Variants in ASIC2 observed in about 807,000 individuals in gnomAD.
The protein encoded by ASIC2 is acid sensing ion channel subunit 2.
Under a neutral mutation model 57.3 loss-of-function variants are expected in ASIC2, and 25 were observed. The ratio of observed to expected loss-of-function variants is 0.44; its 90% CI spans 0.32 to 0.61. ASIC2 has a LOEUF of 0.61. Among genes scored for constraint, ASIC2 ranks in the 20% least tolerant of loss-of-function variants. The pLI is 0.06. For synonymous variants in ASIC2, 319 were observed against 307.5 expected, an observed-to-expected ratio of 1.04 and a Z score of -0.39; for missense variants, 641 against 738.1, an observed-to-expected ratio of 0.87 and a Z score of 1.52.
intron 1 of ASIC2, among the ~76,000 whole-genome samples, chr17:33,672,843 G>A (rs1224176118): frequency 6.6e-6 from 1 of 152,174 alleles, no homozygotes; most frequent in East Asian, 1.9e-4. Flanking sequence ...ACATACGGCA[G>A]AGCCTCTGTG....
rs75179101 is a variant in ASIC2 at position 34,121,723 on chromosome 17, T to C, written c.555+34255A>G. On this transcript the variant is annotated intron_variant, in intron 1 of 9. Transcript: ENST00000359872. The stretch of plus-strand genomic sequence containing the variant: ...ATGATGAAGGCTGTAACCATCACCC[T>C]AGATCACCTCCTGCCCCTACATTCC... Among the ~76,000 whole-genome samples, 221 of 152,288 alleles carry C rather than the reference T, an allele frequency of 1.5e-3. 4 individuals are homozygous for C. In the East Asian group the frequency reaches 0.042, roughly 29 times the overall value.
At chr17:33,551,650 C>A (rs564184388) in intron 1 of ASIC2, among the ~76,000 whole-genome samples, 43 of 152,254 alleles carry the variant, frequency 2.8e-4, no homozygotes, top group Non-Finnish European at 4.3e-4. Context: ...TCCCCTAGGA[C>A]CCCCAGCTCT....
At chr17:33,659,895 TAAATAA>T (rs1907199791) in intron 1 of ASIC2, among the ~76,000 whole-genome samples, 1 of 144,370 alleles carries the variant, frequency 6.9e-6, no homozygotes, top group African/African-American at 2.6e-5. Flanking sequence ...AATAAATAAA[TAAATAA>T]ATAAATAAAT....
intron 1 of ASIC2, among the ~76,000 whole-genome samples, chr17:33,237,570 G>T (rs1486324315): frequency 6.6e-6 from 1 of 152,066 alleles, no homozygotes; most frequent in African/African-American, 2.4e-5. Flanking sequence ...GGCTGGTCTC[G>T]AACTCCCGAC....
intron 1 of ASIC2, among the ~76,000 whole-genome samples, chr17:33,284,234 A>T (rs908380204): frequency 1.3e-5 from 2 of 152,194 alleles, no homozygotes; most frequent in African/African-American, 4.8e-5. Flanking sequence ...TCATGTTCCA[A>T]TTATGAGTGA....
chr17:33,177,704 G>A (rs1304016219), intron 1 of ASIC2, among the ~76,000 whole-genome samples: 2 of 152,176 alleles, frequency 1.3e-5, no homozygotes, highest in African/African-American at 4.8e-5. Context: ...AGTCTTAGGG[G>A]GTGGAGGCTG....
chr17:33,881,933 C>T (rs1914710276), intron 1 of ASIC2, among the ~76,000 whole-genome samples: 1 of 152,146 alleles, frequency 6.6e-6, no homozygotes, highest in Admixed American at 6.5e-5. Flanking sequence ...TGGAACAGAA[C>T]AGAGCCCTCA....
At chr17:34,076,950 C>A (rs1027914420) in intron 1 of ASIC2, among the ~76,000 whole-genome samples, 1 of 152,198 alleles carries the variant, frequency 6.6e-6, no homozygotes, top group East Asian at 1.9e-4. Flanking sequence ...TCAGCACCTG[C>A]CATGGGCCAG....
chr17:33,476,922 G>A (rs764886112), intron 1 of ASIC2, among the ~76,000 whole-genome samples: 1 of 152,038 alleles, frequency 6.6e-6, no homozygotes, highest in Non-Finnish European at 1.5e-5. Context: ...TCAGCAGTTG[G>A]GGAGACCTCT....
At chr17:33,590,437 C>T (rs1014106361) in intron 1 of ASIC2, among the ~76,000 whole-genome samples, 1 of 152,162 alleles carries the variant, frequency 6.6e-6, no homozygotes, top group Admixed American at 6.5e-5. Context: ...ACAGGTACTT[C>T]ATCATGGTGA....
rs190249869 is a variant in ASIC2 at position 33,733,069 on chromosome 17, G to A, written c.555+422909C>T. On this transcript the variant is annotated intron_variant, in intron 1 of 9. Coordinates refer to the ASIC2 transcript ENST00000359872. ...CTCTTTGGTATCCTTTGATTGTTGA[G>A]CCACTTGGAGGTTATTTATTTTTTT... Among the ~76,000 whole-genome samples, 15 of 152,252 alleles carry A rather than the reference G, an allele frequency of 9.9e-5. 1 individual carries two copies. In the East Asian group the frequency reaches 2.5e-3, roughly 25 times the overall value.
At chr17:33,136,108 T>C (rs1264455633) in intron 1 of ASIC2, among the ~76,000 whole-genome samples, 1 of 152,250 alleles carries the variant, frequency 6.6e-6, no homozygotes, top group Non-Finnish European at 1.5e-5. Flanking sequence ...TGTGTGCTTG[T>C]GCATGTGTTC....
intron 1 of ASIC2, among the ~76,000 whole-genome samples, chr17:34,143,514 C>T (rs887937703): frequency 6.6e-6 from 1 of 152,148 alleles, no homozygotes; most frequent in Non-Finnish European, 1.5e-5. Context: ...GCAAGGTTGC[C>T]TATTGTGTTT....
At chr17:33,049,775 C>G (rs2091968110) in intron 3 of ASIC2, among the ~76,000 whole-genome samples, 1 of 152,182 alleles carries the variant, frequency 6.6e-6, no homozygotes, top group Admixed American at 6.5e-5. Flanking sequence ...AACATATAGA[C>G]TGAAGCATCT....
intron 1 of ASIC2, among the ~76,000 whole-genome samples, chr17:33,770,407 G>T (rs1001721339): frequency 6.6e-6 from 1 of 152,170 alleles, no homozygotes; most frequent in Non-Finnish European, 1.5e-5. Flanking sequence ...CTAGACAGTG[G>T]CTGGCACAAA....
intron 1 of ASIC2, among the ~76,000 whole-genome samples, chr17:33,598,777 A>T (rs1023505069): frequency 3.3e-5 from 5 of 152,196 alleles, no homozygotes; most frequent in African/African-American, 1.2e-4. Flanking sequence ...CCTCCAGGAC[A>T]AGGAAGGATG....
Position 33,689,211 on chromosome 17 carries a change from G to A in ASIC2, c.555+466767C>T, listed in dbSNP as rs183091169. Reference sequence around the variant, plus strand: ...GTTTACTTTTCCCCCTTAGATAATGGACTGTAGCCATTGCATATTTATTTA... The same window carrying A: ...GTTTACTTTTCCCCCTTAGATAATGAACTGTAGCCATTGCATATTTATTTA... On this transcript the variant is annotated intron_variant, in intron 1 of 9. Coordinates refer to the ASIC2 transcript ENST00000359872. 3.3e-5 allele frequency: 5 copies of A among 152,234 alleles called. No homozygotes were observed. In the East Asian group the frequency reaches 9.6e-4, roughly 29 times the overall value. 9.4% of individuals were successfully genotyped at this position (152,234 alleles called of 1,614,324 possible).
chr17:33,634,704 TTC>T, intron 1 of ASIC2: 1 of 72,336 alleles, frequency 1.4e-5, no homozygotes, highest in Non-Finnish European at 3.4e-5. Context: ...CTTTCTTTCT[TTC>T]TTTCTTTTTT....
chr17:33,810,030 C>T (rs1021134244), intron 1 of ASIC2, among the ~76,000 whole-genome samples: 6 of 152,192 alleles, frequency 3.9e-5, no homozygotes, highest in Non-Finnish European at 7.3e-5. Context: ...TTAGATTTAA[C>T]TTCCTTGAAC....
Sources: gnomAD v4.1 joint callset for allele counts (sites outside exome capture counted in the v4.1 genomes callset) on GRCh38, gnomAD v4.1.1 for gene constraint, MANE v1.5 for transcripts, NCBI Gene and HGNC (gene_info 2026-07-23, HGNC 2026-07-21) for gene names.